Variants in MED31 observed in about 807,000 individuals in gnomAD.
The protein encoded by MED31 is mediator of RNA polymerase II transcription subunit 31.
Under a neutral mutation model 22.0 loss-of-function variants are expected in MED31, and 11 were observed. That is an observed-to-expected ratio of 0.50 (90% CI 0.31 to 0.83). The LOEUF (loss-of-function observed/expected upper bound fraction) is 0.83, where lower values mean the gene tolerates loss of function less well. Ranked by LOEUF, MED31 falls within the 40% of genes least tolerant of loss-of-function variation. The pLI, the probability that MED31 is intolerant of heterozygous loss-of-function variation, is 0.04. For synonymous variants in MED31, 60 were observed against 55.1 expected (o/e 1.09, Z -0.40); for missense variants, 122 against 155.3 (o/e 0.79, Z 1.14).
rs908444073 is a variant in MED31 at position 6,644,039 on chromosome 17, C to G, written c.*428G>C. On this transcript the variant is annotated 3_prime_UTR_variant, in exon 4 of 4. Coordinates refer to ENST00000225728, the MANE Select transcript of MED31 (RefSeq NM_016060.3). ...GAGGTCAGTGACTCCGCTACTCTCA[C>G]TACATCTTAGAGTAGAGTGGTAGAG... The G allele has an allele frequency of 2.0e-5, 8 of 401,412 alleles. No individual in the cohort carries two copies. The highest frequency in any genetic ancestry group is 3.5e-5 in the Non-Finnish European group (8 of 227,816). The allele number at this position is 401,412 out of a possible 1,614,324, so 24.9% of individuals were successfully genotyped here.
chr17:6,644,782 ACT>A lies in MED31; in HGVS notation c.204-125_204-124del, dbSNP rs1046410046. 157 of 1,149,894 alleles carry A rather than the reference ACT, an allele frequency of 1.4e-4. No individual in the cohort carries two copies. The African/African-American group carries it at 2.2e-3, about 16-fold the overall frequency. The allele number at this position is 1,149,894 out of a possible 1,614,324, so 71.2% of individuals were successfully genotyped here. A position where few individuals can be genotyped will look rare whatever the true frequency, so the allele number is the denominator to read the frequency against. ...CATTTCTATAACAGTAACTTAGTACACTCTGGTAGCATAGGGTTTTTTCCCCG... is the reference window on the plus strand; with the variant it reads ...CATTTCTATAACAGTAACTTAGTACACTGGTAGCATAGGGTTTTTTCCCCG... On this transcript the variant is annotated intron_variant, in intron 3 of 3. Transcript: ENST00000225728.
intron 1 of MED31, among the ~76,000 whole-genome samples, chr17:6,651,051 G>A (rs953497436): frequency 7.0e-6 from 1 of 142,448 alleles, no homozygotes; most frequent in South Asian, 2.2e-4. Flanking sequence ...AACCCAGGAG[G>A]CGGAGCTTGC....
In MED31 at chr17:6,644,657, T is replaced by A. The variant is rs769110262; in HGVS notation, c.206A>T (p.Tyr69Phe). ...KDPEYAKYLKYPQCLHMLELL... is the reference protein window; with the variant it reads ...KDPEYAKYLKFPQCLHMLELL... ...CTCTAACATGTGTAAACACTGAGGG[T>A]ACCTGGGTTTAAGTTTGTAAGTGAA... The change falls in exon 4 of 4, where the codon TAC (tyrosine) becomes TTC (phenylalanine). Residue 69 changes from tyrosine (Y) to phenylalanine (F), a missense_variant and splice_region_variant. By Grantham distance (22) the Tyr-to-Phe change is conservative. Coordinates refer to ENST00000225728, the MANE Select transcript of MED31 (RefSeq NM_016060.3). The A allele has an allele frequency of 6.4e-7, 1 of 1,564,924 alleles. No homozygotes were observed. Among genetic ancestry groups the A allele is most frequent in the Non-Finnish European group, 8.6e-7 (1 of 1,157,876 alleles).
Position 6,644,054 on chromosome 17 carries a change from G to T in MED31, c.*413C>A. 2.5e-6 allele frequency: 1 copy of T among 403,924 alleles called. No homozygotes were observed. The highest frequency in any genetic ancestry group is 3.5e-5 in the East Asian group (1 of 28,244). The allele number at this position is 403,924 out of a possible 1,614,324, so 25.0% of individuals were successfully genotyped here. A position where few individuals can be genotyped will look rare whatever the true frequency, so the allele number is the denominator to read the frequency against. On this transcript the variant is annotated 3_prime_UTR_variant, in exon 4 of 4. Coordinates refer to ENST00000225728, the MANE Select transcript of MED31 (RefSeq NM_016060.3). ...GCTACTCTCACTACATCTTAGAGTA[G>T]AGTGGTAGAGTAGTTGATCTGAGAC...
Position 6,649,973 on chromosome 17 carries a change from T to TA in MED31, c.203+8dup. ...TACACATGCTTAGGATTATAAAAAT[T>TA]AAACTTACTTTAGATACTTGGCATA... is the stretch of plus-strand genomic sequence containing the variant. On this transcript the variant is annotated intron_variant, in intron 3 of 3. Transcript: ENST00000225728. 1 of 1,578,454 alleles carries TA rather than the reference T, an allele frequency of 6.3e-7. No homozygotes were observed. The highest frequency in any genetic ancestry group is 1.2e-5 in the South Asian group (1 of 84,228).
intron 3 of MED31, among the ~76,000 whole-genome samples, chr17:6,647,644 A>G (rs1287727747): frequency 6.6e-6 from 1 of 152,238 alleles, no homozygotes; most frequent in East Asian, 1.9e-4. Flanking sequence ...TGCTATCCAC[A>G]CACTAAAAAT....
intron 3 of MED31, among the ~76,000 whole-genome samples, chr17:6,648,505 G>T (rs1972789898): frequency 6.6e-6 from 1 of 152,122 alleles, no homozygotes; most frequent in Non-Finnish European, 1.5e-5. Flanking sequence ...AAGATCTATG[G>T]TTACTAGATC....
intron 3 of MED31, among the ~76,000 whole-genome samples, chr17:6,648,659 G>C (rs1482430586): frequency 6.6e-6 from 1 of 152,238 alleles, no homozygotes; most frequent in African/African-American, 2.4e-5. Context: ...AGTCTCTCTT[G>C]AATGTAAATA....
chr17:6,651,301 T>C, intron 1 of MED31, 200 bp downstream of exon 1: 2 of 694,846 alleles, frequency 2.9e-6, no homozygotes, highest in Non-Finnish European at 4.6e-6. Context: ...GGTGTCTGAA[T>C]AGCAAAGATG....
At chr17:6,650,489 G>A in intron 1 of MED31, 56 bp from the exon 2 acceptor site, 2 of 1,500,702 alleles carry the variant, frequency 1.3e-6, no homozygotes, top group Non-Finnish European at 1.8e-6. Context: ...ATATAATACT[G>A]ATTTGTAGTA....
At chr17:6,646,809 T>C (rs1343918965) in intron 3 of MED31, among the ~76,000 whole-genome samples, 1 of 152,200 alleles carries the variant, frequency 6.6e-6, no homozygotes, top group Non-Finnish European at 1.5e-5. Context: ...GGGTCTGTGC[T>C]GAGGAGGAGT....
chr17:6,645,678 A>G (rs1417740929), intron 3 of MED31, among the ~76,000 whole-genome samples: 2 of 152,248 alleles, frequency 1.3e-5, no homozygotes, highest in African/African-American at 4.8e-5. Context: ...AGAATCCAAA[A>G]GTCCACACTA....
At chr17:6,650,469 A>C in intron 1 of MED31, 36 bp from the exon 2 acceptor site, 1 of 1,586,478 alleles carries the variant, frequency 6.3e-7, no homozygotes, top group South Asian at 1.1e-5. Context: ...TGGAAAACAA[A>C]GGTCACTGTA....
At chr17:6,650,637 G>A (rs1024266537) in intron 1 of MED31, among the ~76,000 whole-genome samples, 13 of 152,166 alleles carry the variant, frequency 8.5e-5, no homozygotes, top group African/African-American at 2.9e-4. Context: ...TTTCTCTAAA[G>A]TTAAAGAGAA....
In MED31 at chr17:6,644,477, G is replaced by A. The variant is rs1972740807; in HGVS notation, c.386C>T (p.Ser129Leu). The A allele has an allele frequency of 5.0e-6, 8 of 1,595,256 alleles. No individual in the cohort carries two copies. The highest frequency in any genetic ancestry group is 2.7e-5 in the African/African-American group (2 of 74,048). The change falls in exon 4 of 4, where the codon TCG (serine) becomes TTG (leucine). Residue 129 changes from serine to leucine, a missense_variant. By Grantham distance (145) the Ser-to-Leu change is moderately radical. Coordinates refer to ENST00000225728, the MANE Select transcript of MED31 (RefSeq NM_016060.3). Reference sequence around the variant, plus strand: ...TTTGTATCCAGTTTTTCATTTTCCCGATGTGTTATTTTGCTGTTGCTGCTC... The same window carrying A: ...TTTGTATCCAGTTTTTCATTTTCCCAATGTGTTATTTTGCTGTTGCTGCTC... Reference protein sequence around the residue: ...LAEQQQQNNTSGK With the variant: ...LAEQQQQNNTLGK
rs1037833394 is a variant in MED31 at position 6,650,421 on chromosome 17, T to C, written c.41A>G (p.Asn14Ser). Reference protein sequence around the residue: ...AVAMETDDAGNRLRFQLELEF... With the variant: ...AVAMETDDAGSRLRFQLELEF... ...CAACTCCAACTGAAACCGAAGTCGATTTCCAGCATCATCTAGGAGACAAGA... is the reference window on the plus strand; with the variant it reads ...CAACTCCAACTGAAACCGAAGTCGACTTCCAGCATCATCTAGGAGACAAGA... The change falls in exon 2 of 4, where the codon AAT becomes AGT. Residue 14 changes from asparagine (N) to serine (S), a missense_variant. Physicochemically the swap from Asn to Ser is conservative, Grantham distance 46 (BLOSUM62 1). Transcript: ENST00000225728. 4.3e-6 allele frequency: 7 copies of C among 1,613,978 alleles called. No homozygotes were observed. The highest frequency in any genetic ancestry group is 1.7e-5 in the Admixed American group (1 of 60,004).
chr17:6,649,556 A>G (rs1374429200), intron 3 of MED31, among the ~76,000 whole-genome samples: 2 of 152,208 alleles, frequency 1.3e-5, no homozygotes, highest in Non-Finnish European at 2.9e-5. Context: ...AAACCTGGTG[A>G]GATGGGAAGG....
intron 3 of MED31, among the ~76,000 whole-genome samples, chr17:6,645,043 AAAG>A (rs781245830): frequency 1.8e-4 from 28 of 152,352 alleles, no homozygotes; most frequent in Non-Finnish European, 3.5e-4. Context: ...ATAGGGATAA[AAAG>A]ACAACTTTCA....
intron 3 of MED31, among the ~76,000 whole-genome samples, chr17:6,647,401 C>T (rs1421932636): frequency 2.0e-5 from 3 of 152,240 alleles, no homozygotes; most frequent in Non-Finnish European, 4.4e-5. Flanking sequence ...AAGTGATATG[C>T]AAATGACTAA....
Sources: allele counts gnomAD v4.1 joint callset (sites outside exome capture counted in the v4.1 genomes callset), GRCh38; gene constraint gnomAD v4.1.1; transcripts MANE v1.5; gene names NCBI Gene and HGNC (gene_info 2026-07-23, HGNC 2026-07-21).